The following CACNA1A variants were observed in gnomAD, a reference collection of about 807,000 sequenced individuals.
The protein encoded by CACNA1A is calcium voltage-gated channel subunit alpha1 A.
In CACNA1A, 57 loss-of-function variants were observed where a neutral mutation model predicts 262.4. The observed-to-expected ratio is 0.22, with a 90% CI of 0.18 to 0.27. The LOEUF (loss-of-function observed/expected upper bound fraction) is 0.27, where lower values mean the gene tolerates loss of function less well. CACNA1A is among the 10% of genes least tolerant of loss of function. The probability of loss-of-function intolerance (pLI) is 1.00; values close to 1 mark genes in which losing one functional copy is unlikely to be tolerated. For synonymous variants in CACNA1A, 1,431 were observed against 1,419.3 expected (o/e 1.01, Z -0.18); for missense variants, 2,526 against 3,562.8 (o/e 0.71, Z 7.41).
At chr19:13,273,586 G>A (rs1353610328) in intron 24 of CACNA1A, 2 of 151,920 alleles carry the variant, frequency 1.3e-5, no homozygotes, top group Non-Finnish European at 2.9e-5. Context: ...CTAATTTGAT[G>A]TGCATTGTAT....
chr19:13,267,226 A>G (rs972581249), intron 24 of CACNA1A, among the ~76,000 whole-genome samples: 7 of 152,184 alleles, frequency 4.6e-5, no homozygotes, highest in Non-Finnish European at 8.8e-5. Context: ...GGAGAGACAG[A>G]TCGTAAGTGG....
rs1053185803 is a variant in CACNA1A at position 13,443,358 on chromosome 19, TTTA to T, written c.539+9515_539+9517del. ...AAATAATTTTATTTTTATTTTTATT[TTTA>T]GAGACAGTCTTGCTCTGTCACCCAG... On this transcript the variant is annotated intron_variant, in intron 3 of 46. Transcript: ENST00000360228. Among the ~76,000 whole-genome samples, 3 of 149,560 alleles carry T rather than the reference TTTA, an allele frequency of 2.0e-5. No homozygotes were observed. The Admixed American group carries it at 2.0e-4, about 10-fold the overall frequency.
In CACNA1A at chr19:13,241,194, G is replaced by A. The variant is rs769093221; in HGVS notation, c.4950+3988C>T. On this transcript the variant is annotated intron_variant, in intron 31 of 46. Coordinates refer to ENST00000360228, the MANE Select transcript of CACNA1A (RefSeq NM_001127222.2). The surrounding 1 kb of genome is among the most constrained non-coding windows in gnomAD (Gnocchi z 4.0). ...GAGTGGATTTGCCTCTATTGTCTCT[G>A]AGTGTAGGGGATGTGTGTGCGGGAT... 6.6e-6 allele frequency among the ~76,000 whole-genome samples: 1 copy of A among 152,194 alleles called. No homozygotes were observed. The highest frequency in any genetic ancestry group is 1.5e-5 in the Non-Finnish European group (1 of 68,034).
At chr19:13,242,850 C>A (rs118003403) in intron 31 of CACNA1A, among the ~76,000 whole-genome samples, 1 of 152,140 alleles carries the variant, frequency 6.6e-6, no homozygotes, top group South Asian at 2.1e-4. Flanking sequence ...GAAGAGATAG[C>A]GCAAGTTGTC....
chr19:13,284,290 T>C (rs1216618966), intron 21 of CACNA1A: 2 of 152,244 alleles, frequency 1.3e-5, no homozygotes, highest in African/African-American at 2.4e-5. Context: ...ACTGAGTAGA[T>C]ACCACATAAG....
intron 1 of CACNA1A, among the ~76,000 whole-genome samples, chr19:13,501,988 C>A (rs531234805): frequency 3.3e-5 from 5 of 152,080 alleles, no homozygotes; most frequent in Admixed American, 3.3e-4. Flanking sequence ...TCTGGAAATA[C>A]CAGCCAAGCC....
intron 3 of CACNA1A, among the ~76,000 whole-genome samples, chr19:13,447,598 A>G (rs1420078364): frequency 6.6e-6 from 1 of 152,244 alleles, no homozygotes; most frequent in Non-Finnish European, 1.5e-5. Context: ...CTGAAGGATG[A>G]AGAGCAAGGA....
At chr19:13,216,715 G>A (rs1021532709) in intron 38 of CACNA1A, among the ~76,000 whole-genome samples, 4 of 150,842 alleles carry the variant, frequency 2.7e-5, no homozygotes, top group African/African-American at 4.9e-5. Flanking sequence ...TCTATCGATC[G>A]ACAGGGACTT....
chr19:13,392,693 A>G (rs1000029600), intron 3 of CACNA1A, among the ~76,000 whole-genome samples: 1 of 151,656 alleles, frequency 6.6e-6, no homozygotes, highest in Admixed American at 6.6e-5. Context: ...TTCCATCCCA[A>G]ACACTTGGGA....
chr19:13,464,750 G>C lies in CACNA1A; in HGVS notation c.294-9538C>G, dbSNP rs183388114. On this transcript the variant is annotated intron_variant, in intron 1 of 46. Transcript: ENST00000360228. The stretch of plus-strand genomic sequence containing the variant: ...TTTTTAGTAGAGACGGGGTTTCACC[G>C]TGTTAGCCAGGGTGGTCTCGATCTC... Among the ~76,000 whole-genome samples, 684 of 151,244 alleles carry C rather than the reference G, an allele frequency of 4.5e-3. 2 individuals are homozygous for C. Among genetic ancestry groups the C allele is most frequent in the Non-Finnish European group, 5.4e-3 (369 of 67,834 alleles).
At chr19:13,429,895 C>G (rs2060473783) in intron 3 of CACNA1A, among the ~76,000 whole-genome samples, 1 of 150,434 alleles carries the variant, frequency 6.6e-6, no homozygotes, top group Non-Finnish European at 1.5e-5. Context: ...ATTCTACTCA[C>G]AGGGGGGACC....
At position 13,208,928 on chromosome 19, in the gene CACNA1A, T is replaced by G; in HGVS notation, c.6608A>C (p.Lys2203Thr). 6.5e-7 allele frequency: 1 copy of G among 1,537,358 alleles called. No homozygotes were observed. Residue 2203 changes from lysine (K) to threonine (T), a missense_variant, in exon 46 of 47, where the codon AAG (lysine) becomes ACG (threonine). Coordinates refer to ENST00000360228, the MANE Select transcript of CACNA1A (RefSeq NM_001127222.2). Reference protein sequence around the residue: ...KERDQERGRPKDRKHRQHHHH... With the variant: ...KERDQERGRPTDRKHRQHHHH... ...GTGGTGCTGTCGATGCTTCCGATCCTTGGGCCGGCCCCGCTCCTGGTCCCG... is the reference window on the plus strand; with the variant it reads ...GTGGTGCTGTCGATGCTTCCGATCCGTGGGCCGGCCCCGCTCCTGGTCCCG...
At chr19:13,384,869 G>A (rs1243071448) in intron 3 of CACNA1A, among the ~76,000 whole-genome samples, 1 of 152,160 alleles carries the variant, frequency 6.6e-6, no homozygotes. Context: ...GGGGGCTGAT[G>A]GTTGAGGGAG....
At chr19:13,385,733 C>A (rs1226031606) in intron 3 of CACNA1A, among the ~76,000 whole-genome samples, 1 of 151,966 alleles carries the variant, frequency 6.6e-6, no homozygotes, top group Non-Finnish European at 1.5e-5. Flanking sequence ...ATCTCCAGCA[C>A]CTAAAGCTGT....
chr19:13,305,268 T>C (rs912670183), intron 15 of CACNA1A, among the ~76,000 whole-genome samples: 1 of 152,064 alleles, frequency 6.6e-6, no homozygotes, highest in Non-Finnish European at 1.5e-5. Context: ...TTTTAAGGTG[T>C]GGCACAAAAA....
chr19:13,250,938 C>A (rs1234210310), intron 30 of CACNA1A, among the ~76,000 whole-genome samples: 1 of 151,582 alleles, frequency 6.6e-6, no homozygotes, highest in African/African-American at 2.4e-5. Context: ...TCGAGACCAG[C>A]CTGGCCAACA....
rs2054940771 is a variant in CACNA1A at position 13,214,877 on chromosome 19, C to T, written c.5732-269G>A. On this transcript the variant is annotated intron_variant, in intron 38 of 46. Coordinates refer to ENST00000360228, the MANE Select transcript of CACNA1A (RefSeq NM_001127222.2). The surrounding 1 kb of genome is among the most constrained non-coding windows in gnomAD (Gnocchi z 4.1). ...TGGAGAACAGCTGGGCGACCTGGGT[C>T]CCAATCTTGTCTCCCAGTTATCGGC... 3 of 482,642 alleles carry T rather than the reference C, an allele frequency of 6.2e-6. No individual in the cohort carries two copies. Among genetic ancestry groups the T allele is most frequent in the South Asian group, 3.4e-5 (1 of 29,504 alleles). 29.9% of individuals were successfully genotyped at this position (482,642 alleles called of 1,614,324 possible).
chr19:13,369,061 A>C (rs1317708669), intron 4 of CACNA1A, among the ~76,000 whole-genome samples: 1 of 148,508 alleles, frequency 6.7e-6, no homozygotes, highest in East Asian at 2.0e-4. Flanking sequence ...AAAAAAAAAA[A>C]TGTAATGTGG....
chr19:13,212,211 C>A lies in CACNA1A; in HGVS notation c.6195G>T (p.Val2065=). ...CATCTCTGCCCATCTCTCGCATCTCCACGGACTGCGGAGCAGATGGCAAAG... is the reference window on the plus strand; with the variant it reads ...CATCTCTGCCCATCTCTCGCATCTCAACGGACTGCGGAGCAGATGGCAAAG... ...MPNSQPNSQS[V]EMREMGRDGY... Residue 2065 remains valine, a synonymous_variant, in exon 43 of 47, where the codon GTG becomes GTT. Coordinates refer to ENST00000360228, the MANE Select transcript of CACNA1A (RefSeq NM_001127222.2). The surrounding 1 kb of genome is among the most constrained non-coding windows in gnomAD (Gnocchi z 5.6). 6.2e-7 allele frequency: 1 copy of A among 1,613,602 alleles called. No individual in the cohort carries two copies. The highest frequency in any genetic ancestry group is 2.2e-5 in the East Asian group (1 of 44,878).
Sources: gnomAD v4.1 joint callset for allele counts (sites outside exome capture counted in the v4.1 genomes callset) on GRCh38, gnomAD v4.1.1 for gene constraint, Gnocchi (gnomAD v3.1) non-coding constraint, MANE v1.5 for transcripts, NCBI Gene and HGNC (gene_info 2026-07-23, HGNC 2026-07-21) for gene names.